RNLS: variants seen among roughly 807,000 people sequenced by gnomAD.
RNLS encodes the protein renalase, FAD dependent amine oxidase.
RNLS carries 39 observed loss-of-function variants against 39.8 expected under a neutral mutation model. The observed-to-expected ratio is 0.98, with a 90% CI of 0.76 to 1.28. The LOEUF (loss-of-function observed/expected upper bound fraction) is 1.28, where lower values mean the gene tolerates loss of function less well. Ranked by LOEUF, RNLS falls within the 50% of genes most tolerant of loss-of-function variation. The pLI, the probability that RNLS is intolerant of heterozygous loss-of-function variation, is 0.00. For synonymous variants in RNLS, 147 were observed against 150.7 expected, an observed-to-expected ratio of 0.98 and a Z score of 0.18; for missense variants, 410 against 413.3, an observed-to-expected ratio of 0.99 and a Z score of 0.07.
intron 4 of RNLS, among the ~76,000 whole-genome samples, chr10:88,534,456 T>C (rs1288721244): frequency 6.6e-6 from 1 of 152,124 alleles, no homozygotes; most frequent in Non-Finnish European, 1.5e-5. Flanking sequence ...TAATAAAAAA[T>C]TATTCTTCAA....
chr10:88,553,223 G>C (rs1848683989), intron 4 of RNLS, among the ~76,000 whole-genome samples: 1 of 152,118 alleles, frequency 6.6e-6, no homozygotes, highest in African/African-American at 2.4e-5. Flanking sequence ...CTTTCTGTTT[G>C]GCAAACAAAG....
intron 4 of RNLS, among the ~76,000 whole-genome samples, chr10:88,556,644 C>A (rs1159845452): frequency 6.6e-6 from 1 of 152,138 alleles, no homozygotes; most frequent in Non-Finnish European, 1.5e-5. Context: ...ATGACAGCCA[C>A]ACTGGCTGCC....
intron 4 of RNLS, among the ~76,000 whole-genome samples, chr10:88,389,245 G>A (rs775916787): frequency 4.6e-5 from 7 of 152,126 alleles, no homozygotes; most frequent in Non-Finnish European, 1.0e-4. Flanking sequence ...TACCTCCTAG[G>A]ATTCAAAAAG....
chr10:88,318,624 C>G (rs925804953), intron 5 of RNLS, among the ~76,000 whole-genome samples: 1 of 152,136 alleles, frequency 6.6e-6, no homozygotes, highest in Non-Finnish European at 1.5e-5. Context: ...AGGACACAGA[C>G]AAGCCACAGA....
At chr10:88,536,199 A>G (rs750813411) in intron 4 of RNLS, among the ~76,000 whole-genome samples, 2 of 152,140 alleles carry the variant, frequency 1.3e-5, no homozygotes, top group Non-Finnish European at 2.9e-5. Flanking sequence ...GAAATACCTA[A>G]TGTTTGGAAA....
chr10:88,334,738 T>C (rs922067500), intron 5 of RNLS, among the ~76,000 whole-genome samples: 2 of 152,194 alleles, frequency 1.3e-5, no homozygotes, highest in Non-Finnish European at 2.9e-5. Flanking sequence ...GAAATCATGA[T>C]TTTATTGAGT....
chr10:88,297,911 GT>G (rs1338333530), intron 6 of RNLS, among the ~76,000 whole-genome samples: 3 of 152,108 alleles, frequency 2.0e-5, no homozygotes, highest in East Asian at 1.9e-4. Context: ...CCACCAAGCT[GT>G]TTTCCACAGT....
chr10:88,504,844 A>AGTGTGTGTGTGTGT (rs34411833), intron 4 of RNLS, among the ~76,000 whole-genome samples: 177 of 136,244 alleles, frequency 1.3e-3, no homozygotes, highest in African/African-American at 4.3e-3. Context: ...AGAGAGACAG[A>AGTGTGTGTGTGTGT]GTGTGTGTGT....
chr10:88,529,588 T>G (rs985252995), intron 4 of RNLS, among the ~76,000 whole-genome samples: 1 of 152,184 alleles, frequency 6.6e-6, no homozygotes, highest in Non-Finnish European at 1.5e-5. Flanking sequence ...TTTTACTGAG[T>G]AAGCAGTATG....
chr10:88,185,927 G>A, the RNLS span, among the ~76,000 whole-genome samples: 1 of 152,272 alleles, frequency 6.6e-6, no homozygotes, highest in East Asian at 1.9e-4. Context: ...TAATGGAGAA[G>A]CCTTTTCTCA....
chr10:88,458,570 T>C (rs1842763958), intron 4 of RNLS, among the ~76,000 whole-genome samples: 1 of 152,230 alleles, frequency 6.6e-6, no homozygotes, highest in South Asian at 2.1e-4. Context: ...AACTGTCTTA[T>C]ACTGGACGTA....
At chr10:88,217,533 G>A in the RNLS span, among the ~76,000 whole-genome samples, 2 of 151,928 alleles carry the variant, frequency 1.3e-5, no homozygotes, top group Non-Finnish European at 2.9e-5. Flanking sequence ...AGGCTAACCC[G>A]GGTACACATT....
the RNLS span, among the ~76,000 whole-genome samples, chr10:88,179,834 A>G: frequency 6.6e-6 from 1 of 152,222 alleles, no homozygotes; most frequent in Non-Finnish European, 1.5e-5. Context: ...TAATTATTAA[A>G]TCCACATTTG....
At chr10:88,568,720 T>G (rs1445498093) in intron 4 of RNLS, among the ~76,000 whole-genome samples, 1 of 152,168 alleles carries the variant, frequency 6.6e-6, no homozygotes, top group Non-Finnish European at 1.5e-5. Context: ...ACAAATTGTT[T>G]GGACAGGCTG....
the RNLS span, among the ~76,000 whole-genome samples, chr10:88,236,463 C>T: frequency 6.6e-6 from 1 of 152,142 alleles, no homozygotes. Context: ...GTTCTTCAAC[C>T]TACAAGAAAA....
chr10:88,329,337 C>A (rs1564699459), intron 5 of RNLS, among the ~76,000 whole-genome samples: 1 of 152,148 alleles, frequency 6.6e-6, no homozygotes, highest in African/African-American at 2.4e-5. Context: ...TAAGTGTGAG[C>A]CACCATGTCC....
chr10:88,511,282 AG>A (rs1846109135), intron 4 of RNLS, among the ~76,000 whole-genome samples: 1 of 152,124 alleles, frequency 6.6e-6, no homozygotes, highest in African/African-American at 2.4e-5. Context: ...CTCACTCCCT[AG>A]GTAACCAAAA....
intron 4 of RNLS, among the ~76,000 whole-genome samples, chr10:88,367,483 G>C (rs550009124): frequency 3.3e-5 from 5 of 152,148 alleles, no homozygotes; most frequent in Non-Finnish European, 5.9e-5. Flanking sequence ...GATGAACATA[G>C]GGATTGTTTG....
At chr10:88,246,469 T>A in the RNLS span, among the ~76,000 whole-genome samples, 5 of 152,092 alleles carry the variant, frequency 3.3e-5, no homozygotes, top group Non-Finnish European at 7.4e-5. Flanking sequence ...CTTCACTACT[T>A]CTGGCTTTCC....
Sources: allele counts gnomAD v4.1 joint callset (sites outside exome capture counted in the v4.1 genomes callset), GRCh38; gene constraint gnomAD v4.1.1; transcripts MANE v1.5; gene names NCBI Gene and HGNC (gene_info 2026-07-23, HGNC 2026-07-21).